Variants in CTNNA3 observed in about 807,000 individuals in gnomAD.
CTNNA3 encodes catenin alpha 3.
In CTNNA3, 76 loss-of-function variants were observed where a neutral mutation model predicts 95.7. The observed-to-expected ratio is 0.79, with a 90% CI of 0.66 to 0.96. CTNNA3 has a LOEUF of 0.96. Ranked by LOEUF, CTNNA3 falls within the 40% of genes least tolerant of loss-of-function variation. The pLI is 0.00. For synonymous variants in CTNNA3, 431 were observed against 374.4 expected, an observed-to-expected ratio of 1.15 and a Z score of -1.74; for missense variants, 1,191 against 1,089.8, an observed-to-expected ratio of 1.09 and a Z score of -1.31.
intron 10 of CTNNA3, among the ~76,000 whole-genome samples, chr10:66,549,195 C>T (rs1842138212): frequency 6.6e-6 from 1 of 151,748 alleles, no homozygotes; most frequent in South Asian, 2.1e-4. Context: ...AGGGTTTCAC[C>T]TTGTTAGCCA....
chr10:66,690,812 A>T (rs1273184526), intron 9 of CTNNA3, among the ~76,000 whole-genome samples: 2 of 152,046 alleles, frequency 1.3e-5, no homozygotes, highest in Non-Finnish European at 2.9e-5. Context: ...TAGCAGCATG[A>T]TTTATAGTCC....
intron 7 of CTNNA3, among the ~76,000 whole-genome samples, chr10:66,905,115 C>A (rs1338286234): frequency 3.9e-5 from 6 of 152,124 alleles, no homozygotes; most frequent in Admixed American, 6.5e-5. Flanking sequence ...AGACTTGGAA[C>A]CAACCCAAAT....
chr10:66,431,325 G>C (rs34247065), intron 11 of CTNNA3, among the ~76,000 whole-genome samples: 30,874 of 152,138 alleles, frequency 0.2, 3,480 homozygotes, highest in South Asian at 0.3. Flanking sequence ...AACCATTGTG[G>C]AAGACAGTGT....
chr10:66,737,789 G>A (rs1002589427), intron 9 of CTNNA3, among the ~76,000 whole-genome samples: 1 of 151,916 alleles, frequency 6.6e-6, no homozygotes, highest in African/African-American at 2.4e-5. Flanking sequence ...CTCCTGAGTA[G>A]CTGGGATTAC....
intron 15 of CTNNA3, among the ~76,000 whole-genome samples, chr10:66,046,396 G>T (rs982458481): frequency 2.6e-5 from 4 of 152,182 alleles, no homozygotes; most frequent in Non-Finnish European, 5.9e-5. Context: ...AAAAGTAGCT[G>T]CAGGTCCAGC....
chr10:66,977,898 T>C (rs976522569), intron 7 of CTNNA3, among the ~76,000 whole-genome samples: 1 of 152,180 alleles, frequency 6.6e-6, no homozygotes, highest in Non-Finnish European at 1.5e-5. Context: ...AGTTTATAAA[T>C]GTAAGTATCC....
At chr10:67,666,077 T>C (rs1589551541) in intron 1 of CTNNA3, among the ~76,000 whole-genome samples, 1 of 152,204 alleles carries the variant, frequency 6.6e-6, no homozygotes, top group African/African-American at 2.4e-5. Flanking sequence ...CTTTTCCTTA[T>C]AATATCAACT....
intron 10 of CTNNA3, among the ~76,000 whole-genome samples, chr10:66,614,626 T>C (rs72799255): frequency 6.6e-6 from 1 of 151,766 alleles, no homozygotes; most frequent in Non-Finnish European, 1.5e-5. Context: ...ATAAAAATAT[T>C]ATCTCTTTAT....
At chr10:66,703,681 G>C (rs1212243896) in intron 9 of CTNNA3, among the ~76,000 whole-genome samples, 1 of 152,132 alleles carries the variant, frequency 6.6e-6, no homozygotes, top group Non-Finnish European at 1.5e-5. Flanking sequence ...TTGCTTTTCA[G>C]AACAAGTTTA....
chr10:67,277,582 T>C (rs1839229833), intron 5 of CTNNA3, among the ~76,000 whole-genome samples: 1 of 151,986 alleles, frequency 6.6e-6, no homozygotes, highest in Non-Finnish European at 1.5e-5. Context: ...CCCAGGAGAT[T>C]AGGCATTCCT....
chr10:67,715,019 C>T (rs1309217021), intron 1 of CTNNA3, among the ~76,000 whole-genome samples: 2 of 152,132 alleles, frequency 1.3e-5, no homozygotes, highest in East Asian at 3.9e-4. Context: ...TCTTGATCAG[C>T]AGCATGAAAG....
At chr10:66,273,535 T>TGACA (rs2091326689) in intron 13 of CTNNA3, among the ~76,000 whole-genome samples, 2 of 152,232 alleles carry the variant, frequency 1.3e-5, no homozygotes, top group South Asian at 4.1e-4. Flanking sequence ...CAAAATGACA[T>TGACA]GACAGAATAC....
At chr10:67,559,830 C>A (rs557560049) in intron 3 of CTNNA3, among the ~76,000 whole-genome samples, 1 of 151,930 alleles carries the variant, frequency 6.6e-6, no homozygotes, top group African/African-American at 2.4e-5. Context: ...TCGAGAATTA[C>A]GTGAAGAATG....
chr10:67,562,422 T>A (rs945780643), intron 3 of CTNNA3, among the ~76,000 whole-genome samples: 1 of 152,170 alleles, frequency 6.6e-6, no homozygotes. Flanking sequence ...GAAAAGGCCT[T>A]TCACAAAATT....
At position 67,097,978 on chromosome 10, in the gene CTNNA3, C is replaced by T. The variant is rs1473718501; in HGVS notation, c.1047+82339G>A. On this transcript the variant is annotated intron_variant, in intron 7 of 17. Coordinates refer to ENST00000433211, the MANE Select transcript of CTNNA3 (RefSeq NM_013266.4). ...AGACATGAATTGTTTTAAGTCTACACTTTGTAATTAGCTAAGTTGTGCAGT... is the reference window on the plus strand; with the variant it reads ...AGACATGAATTGTTTTAAGTCTACATTTTGTAATTAGCTAAGTTGTGCAGT... 4 of 599,982 alleles carry T rather than the reference C, an allele frequency of 6.7e-6. No homozygotes were observed. In the East Asian group the frequency reaches 1.1e-4, roughly 17 times the overall value. 37.2% of individuals were successfully genotyped at this position (599,982 alleles called of 1,614,324 possible).
chr10:66,415,797 C>A (rs1201060866), intron 11 of CTNNA3, among the ~76,000 whole-genome samples: 2 of 152,106 alleles, frequency 1.3e-5, no homozygotes, highest in Non-Finnish European at 2.9e-5. Flanking sequence ...AGAATTGAAA[C>A]CAGAGTTCCC....
intron 7 of CTNNA3, among the ~76,000 whole-genome samples, chr10:67,053,413 G>A (rs190179773): frequency 1.4e-3 from 208 of 152,182 alleles, no homozygotes; most frequent in African/African-American, 4.8e-3. Flanking sequence ...TGGCAGACTT[G>A]AAGAACATTT....
At chr10:66,922,198 T>C (rs1242888548) in intron 7 of CTNNA3, among the ~76,000 whole-genome samples, 1 of 152,222 alleles carries the variant, frequency 6.6e-6, no homozygotes, top group Non-Finnish European at 1.5e-5. Flanking sequence ...ATTGGGGATA[T>C]TTAACTCGTC....
chr10:65,999,084 A>AT (rs2078720475), intron 15 of CTNNA3, among the ~76,000 whole-genome samples: 1 of 152,172 alleles, frequency 6.6e-6, no homozygotes, highest in African/African-American at 2.4e-5. Context: ...TTGCTTTGTA[A>AT]TAAAAAAATC....
Sources: gnomAD v4.1 joint callset for allele counts (sites outside exome capture counted in the v4.1 genomes callset) on GRCh38, gnomAD v4.1.1 for gene constraint, MANE v1.5 for transcripts, NCBI Gene and HGNC (gene_info 2026-07-23, HGNC 2026-07-21) for gene names.